Variants in OVCH1 observed in about 807,000 individuals in gnomAD.
OVCH1 encodes the protein ovochymase 1.
OVCH1 carries 139 observed loss-of-function variants against 138.4 expected under a neutral mutation model. The observed-to-expected ratio is 1.00, with a 90% CI of 0.87 to 1.16. The LOEUF is 1.16. Ranked by LOEUF, OVCH1 falls within the 50% of genes most tolerant of loss-of-function variation. The pLI, the probability that OVCH1 is intolerant of heterozygous loss-of-function variation, is 0.00. For missense variants in OVCH1, 1,367 were observed against 1,357.9 expected, an observed-to-expected ratio of 1.01 and a Z score of -0.11; for synonymous variants, 453 against 467.8, an observed-to-expected ratio of 0.97 and a Z score of 0.41.
downstream of OVCH1, chr12:29,425,849 A>AAGG (rs1555141603): frequency 1.3e-5 from 2 of 151,912 alleles, no homozygotes; most frequent in Non-Finnish European, 2.9e-5. Flanking sequence ...GTATATTTAA[A>AAGG]AAGAATTATG....
At chr12:29,469,561 G>A (rs1473190280) in intron 16 of OVCH1, among the ~76,000 whole-genome samples, 1 of 152,024 alleles carries the variant, frequency 6.6e-6, no homozygotes, top group Admixed American at 6.6e-5. Context: ...TGGCCTGCTG[G>A]GAGCAAGCAG....
At chr12:29,419,140 G>T (rs1359847913) in intron 3 of OVCH1, among the ~76,000 whole-genome samples, 1 of 152,082 alleles carries the variant, frequency 6.6e-6, no homozygotes, top group Non-Finnish European at 1.5e-5. Context: ...TTACAGGTGT[G>T]AACCACCATG....
At chr12:29,421,973 A>G (rs1941110880) in intron 3 of OVCH1, among the ~76,000 whole-genome samples, 1 of 152,182 alleles carries the variant, frequency 6.6e-6, no homozygotes, top group South Asian at 2.1e-4. Context: ...TGTATAAAAC[A>G]TCAATTCTCT....
chr12:29,433,876 C>CAA, intron 26 of OVCH1: 1 of 1,237,472 alleles, frequency 8.1e-7, no homozygotes, highest in Non-Finnish European at 1.0e-6. Flanking sequence ...ATTAACATGT[C>CAA]CAAAAAAAAA....
chr12:29,416,663 A>C (rs1941034814), intron 3 of OVCH1, among the ~76,000 whole-genome samples: 1 of 152,238 alleles, frequency 6.6e-6, no homozygotes. Context: ...GGCAAATGCT[A>C]GTGAGGATGC....
At chr12:29,420,796 G>A (rs1338899796) in intron 3 of OVCH1, among the ~76,000 whole-genome samples, 2 of 8,086 alleles carry the variant, frequency 2.5e-4, no homozygotes, top group Admixed American at 2.1e-3. Flanking sequence ...GATTACAGGC[G>A]TGAGCCACCG....
intron 4 of OVCH1, among the ~76,000 whole-genome samples, chr12:29,491,692 A>G (rs1197137891): frequency 6.6e-6 from 1 of 152,234 alleles, no homozygotes; most frequent in South Asian, 2.1e-4. Flanking sequence ...TTGATATCCA[A>G]ATCTTTAGAA....
intron 16 of OVCH1, among the ~76,000 whole-genome samples, chr12:29,466,176 A>G (rs534673750): frequency 6.7e-4 from 102 of 152,144 alleles, no homozygotes; most frequent in African/African-American, 2.3e-3. Context: ...CAGCACACCA[A>G]CATGGCACAT....
intron 4 of OVCH1, among the ~76,000 whole-genome samples, chr12:29,491,562 T>G (rs1266592464): frequency 6.6e-6 from 1 of 151,886 alleles, no homozygotes; most frequent in Non-Finnish European, 1.5e-5. Flanking sequence ...ATCTTTAAGA[T>G]CCTAGAAATT....
chr12:29,443,323 A>G, intron 25 of OVCH1, 38 bp downstream of exon 25: 1 of 1,591,674 alleles, frequency 6.3e-7, no homozygotes, highest in Non-Finnish European at 8.6e-7. Context: ...TCATCAGAGA[A>G]AAATCAGTAG....
At position 29,439,451 on chromosome 12, in the gene OVCH1, A is replaced by AAAACAAACAAAC. The variant is rs4033114; in HGVS notation, c.3158-29_3158-18dup. On this transcript the variant is annotated splice_polypyrimidine_tract_variant and intron_variant, in intron 25 of 27. Coordinates refer to ENST00000318184, the Ensembl canonical transcript of OVCH1. ...CGAATGAAGCTAAGATGGTCTGAGA[A>AAAACAAACAAAC]AAACAAACAAACAAACAAACAAAAA... 1.8e-5 allele frequency: 26 copies of AAAACAAACAAAC among 1,482,732 alleles called. No individual in the cohort carries two copies. In the African/African-American group the frequency reaches 3.5e-4, roughly 20 times the overall value. The allele number at this position is 1,482,732 out of a possible 1,614,324, so 91.8% of individuals were successfully genotyped here. A position where few individuals can be genotyped will look rare whatever the true frequency, so the allele number is the denominator to read the frequency against.
chr12:29,429,400 G>T (rs1258881997), intron 27 of OVCH1, among the ~76,000 whole-genome samples: 1 of 152,084 alleles, frequency 6.6e-6, no homozygotes, highest in African/African-American at 2.4e-5. Context: ...AATGCTATAG[G>T]ATTCTAATGA....
chr12:29,475,685 CA>C (rs1942682503), intron 13 of OVCH1, among the ~76,000 whole-genome samples: 1 of 152,138 alleles, frequency 6.6e-6, no homozygotes, highest in Non-Finnish European at 1.5e-5. Flanking sequence ...CTCTAACCCA[CA>C]AAAACATCCA....
intron 19 of OVCH1, among the ~76,000 whole-genome samples, chr12:29,457,871 A>G (rs1194445133): frequency 1.3e-5 from 2 of 152,222 alleles, no homozygotes; most frequent in Non-Finnish European, 2.9e-5. Context: ...ATGTGCATGT[A>G]TGTGTATACA....
At chr12:29,497,565 C>T in intron 1 of OVCH1, 58 bp downstream of exon 1, 2 of 1,594,952 alleles carry the variant, frequency 1.3e-6, no homozygotes, top group Non-Finnish European at 1.7e-6. Context: ...ATGAAGTCTT[C>T]CCTCTCCAGC....
chr12:29,453,059 T>C (rs1169547042), intron 21 of OVCH1, among the ~76,000 whole-genome samples: 1 of 152,214 alleles, frequency 6.6e-6, no homozygotes, highest in Non-Finnish European at 1.5e-5. Context: ...CCACCATTTA[T>C]GGACCCTTAT....
intron 4 of OVCH1, 109 bp from the exon 5 acceptor site, chr12:29,491,301 G>A (rs1943266845): frequency 1.1e-6 from 1 of 902,610 alleles, no homozygotes; most frequent in Non-Finnish European, 1.7e-6. Flanking sequence ...CTTCCTAAAT[G>A]TAATGGTGAC....
intron 3 of OVCH1, among the ~76,000 whole-genome samples, chr12:29,419,289 T>G (rs1344240490): frequency 6.8e-6 from 1 of 147,888 alleles, no homozygotes; most frequent in Non-Finnish European, 1.5e-5. Flanking sequence ...CTAAACAAAG[T>G]ATGATTTTTT....
intron 3 of OVCH1, among the ~76,000 whole-genome samples, chr12:29,418,095 G>A (rs925375167): frequency 6.6e-6 from 1 of 152,176 alleles, no homozygotes; most frequent in Non-Finnish European, 1.5e-5. Flanking sequence ...TTTTCTCACT[G>A]AATGTTCACC....
Sources: allele counts gnomAD v4.1 joint callset (sites outside exome capture counted in the v4.1 genomes callset), GRCh38; gene constraint gnomAD v4.1.1; transcripts MANE v1.5; gene names NCBI Gene and HGNC (gene_info 2026-07-23, HGNC 2026-07-21).